Variants in DHTKD1 observed in about 807,000 individuals in gnomAD.
The protein encoded by DHTKD1 is 2-oxoadipate dehydrogenase complex component E1.
In DHTKD1, 78 loss-of-function variants were observed where a neutral mutation model predicts 101.8. The ratio of observed to expected loss-of-function variants is 0.77; its 90% CI spans 0.64 to 0.93. The LOEUF (loss-of-function observed/expected upper bound fraction) is 0.93, where lower values mean the gene tolerates loss of function less well. Ranked by LOEUF, DHTKD1 falls within the 40% of genes least tolerant of loss-of-function variation. The probability of loss-of-function intolerance (pLI) is 0.00; values close to 1 mark genes in which losing one functional copy is unlikely to be tolerated. For synonymous variants in DHTKD1, 462 were observed against 450.3 expected, an observed-to-expected ratio of 1.03 and a Z score of -0.33; for missense variants, 1,223 against 1,161.7, an observed-to-expected ratio of 1.05 and a Z score of -0.77.
chr10:12,091,534 T>A lies in DHTKD1; in HGVS notation c.1009T>A (p.Cys337Ser). The A allele has an allele frequency of 6.2e-7, 1 of 1,608,100 alleles. No individual in the cohort carries two copies. Among genetic ancestry groups the A allele is most frequent in the South Asian group, 1.1e-5 (1 of 90,458 alleles). The change falls in exon 6 of 17, where the codon TGT (cysteine) becomes AGT (serine). Residue 337 changes from cysteine to serine, a missense_variant. Coordinates refer to ENST00000263035, the MANE Select transcript of DHTKD1 (RefSeq NM_018706.7). ...CLQVHGDASF[C>S]GQGIVPETFT... ...TTAGGTCCATGGTGATGCTTCTTTC[T>A]GTGGTCAAGGGATTGTTCCTGAAAC...
rs530611506 is a variant in DHTKD1, at chr10:12,095,761, C to A, written c.1358+1490C>A. On this transcript the variant is annotated intron_variant, in intron 7 of 16. Coordinates refer to ENST00000263035, the MANE Select transcript of DHTKD1 (RefSeq NM_018706.7). Reference sequence around the variant, plus strand: ...CCGGGAGGCGGAGCTTGCAGTGAGCCCAGATCGCACCACTGCACTCCAGCC... The same window carrying A: ...CCGGGAGGCGGAGCTTGCAGTGAGCACAGATCGCACCACTGCACTCCAGCC... Among the ~76,000 whole-genome samples the A allele has an allele frequency of 2.2e-3, 284 of 128,904 alleles. 1 individual carries two copies. The highest frequency in any genetic ancestry group is 7.3e-3 in the African/African-American group (256 of 35,258). The allele number at this position is 128,904 out of a possible 152,430, so 84.6% of individuals were successfully genotyped here. A position where few individuals can be genotyped will look rare whatever the true frequency, so the allele number is the denominator to read the frequency against.
chr10:12,081,495 G>A lies in DHTKD1; in HGVS notation c.178G>A (p.Val60Met). Residue 60 changes from valine (V) to methionine (M), a missense_variant, in exon 2 of 17, where the codon GTG becomes ATG. By Grantham distance (21) the Val-to-Met change is conservative. Transcript: ENST00000263035. Reference sequence around the variant, plus strand: ...AGTTGATCATGGCCTTGCCAGGTTGGTGACAGTATATTGTGAGCATGGTCA... The same window carrying A: ...AGTTGATCATGGCCTTGCCAGGTTGATGACAGTATATTGTGAGCATGGTCA... ...PPVDHGLARL[V>M]TVYCEHGHKA... The A allele has an allele frequency of 6.2e-7, 1 of 1,614,108 alleles. No individual in the cohort carries two copies.
chr10:12,100,215 A>T lies in DHTKD1; in HGVS notation c.1709A>T (p.Asp570Val). ...MEKMMDGIKL[D>V]WATAEALALG... ...AAGATGATGGACGGAATCAAGCTAG[A>T]CTGGGCCACCGCGGAAGCTCTTGCC... Residue 570 changes from aspartate (D) to valine (V), a missense_variant, in exon 9 of 17, where the codon GAC becomes GTC. Coordinates refer to ENST00000263035, the MANE Select transcript of DHTKD1 (RefSeq NM_018706.7). The T allele has an allele frequency of 6.3e-7, 1 of 1,594,510 alleles. No homozygotes were observed. The highest frequency in any genetic ancestry group is 8.5e-7 in the Non-Finnish European group (1 of 1,170,902).
intron 2 of DHTKD1, 36 bp from the exon 3 acceptor site, chr10:12,084,504 A>AT (rs1588605715): frequency 3.0e-6 from 4 of 1,332,462 alleles, no homozygotes; most frequent in African/African-American, 1.4e-5. Flanking sequence ...GAACATGATT[A>AT]TTTTTTAAGA....
rs34644609 is a variant in DHTKD1 at position 12,081,526 on chromosome 10, C to T, written c.209C>T (p.Ala70Val). Residue 70 changes from alanine (A) to valine (V), a missense_variant, in exon 2 of 17, where the codon GCT becomes GTT. Coordinates refer to ENST00000263035, the MANE Select transcript of DHTKD1 (RefSeq NM_018706.7). ...GTATATTGTGAGCATGGTCATAAAG[C>T]TGCCAAAATCAACCCCCTCTTCACC... ...VTVYCEHGHK[A>V]AKINPLFTGQ... is the part of the protein sequence containing the mutation. 1.2e-6 allele frequency: 2 copies of T among 1,614,064 alleles called. No homozygotes were observed. The highest frequency in any genetic ancestry group is 2.2e-5 in the East Asian group (1 of 44,874).
rs749362337 is a variant in DHTKD1, at chr10:12,120,880, T to C, written c.2752T>C (p.Phe918Leu). 1 of 1,613,694 alleles carries C rather than the reference T, an allele frequency of 6.2e-7. No individual in the cohort carries two copies. The highest frequency in any genetic ancestry group is 1.7e-5 in the Admixed American group (1 of 60,000). The change falls in exon 17 of 17, where the codon TTC becomes CTC. Residue 918 changes from phenylalanine to leucine, a missense_variant. Phe to Leu is a conservative substitution (Grantham distance 22). Coordinates refer to ENST00000263035, the MANE Select transcript of DHTKD1 (RefSeq NM_018706.7). ...GCATGAAGATATCCTCGCCAAGACCTTCGCTTGATGATGACTTTTGAAGAA... is the reference window on the plus strand; with the variant it reads ...GCATGAAGATATCCTCGCCAAGACCCTCGCTTGATGATGACTTTTGAAGAA... ...HQHEDILAKT[F>L]A
rs367959044 is a variant in DHTKD1, at chr10:12,069,042, T to A, written c.9T>A (p.Ser3=). Reference sequence around the variant, plus strand: ...CGGGACATCTGGTGAACATGGCCTCTGCTACTGCGGCAGCAGCACGACGGG... The same window carrying A: ...CGGGACATCTGGTGAACATGGCCTCAGCTACTGCGGCAGCAGCACGACGGG... MA[S]ATAAAARRGL... Residue 3 remains serine (S), a synonymous_variant, in exon 1 of 17, where the codon TCT becomes TCA. Coordinates refer to ENST00000263035, the MANE Select transcript of DHTKD1 (RefSeq NM_018706.7). 8.1e-6 allele frequency: 13 copies of A among 1,613,324 alleles called. No individual in the cohort carries two copies. The highest frequency in any genetic ancestry group is 1.0e-5 in the Non-Finnish European group (12 of 1,179,650).
chr10:12,105,519 T>C (rs1833230324), intron 10 of DHTKD1, among the ~76,000 whole-genome samples: 1 of 152,044 alleles, frequency 6.6e-6, no homozygotes. Context: ...GGTTTTGCCA[T>C]GTTGCCCATG....
At chr10:12,092,656 A>G (rs1284581472) in intron 6 of DHTKD1, among the ~76,000 whole-genome samples, 2 of 151,864 alleles carry the variant, frequency 1.3e-5, no homozygotes, top group African/African-American at 4.8e-5. Flanking sequence ...ACACAAAATT[A>G]GCTGGGCATG....
intron 13 of DHTKD1, among the ~76,000 whole-genome samples, chr10:12,113,267 G>T (rs982528742): frequency 1.3e-5 from 2 of 151,892 alleles, no homozygotes; most frequent in Admixed American, 6.6e-5. Context: ...GTGCAATCTC[G>T]GCCCGTTGCA....
In DHTKD1 at chr10:12,119,342, G is replaced by A. The variant is rs557471950; in HGVS notation, c.2572+424G>A. ...CATGAAAATTTGGTACAGGCGGGGC[G>A]CGGTGCCTCACGCCTGTAGTCCCAG... is the stretch of plus-strand genomic sequence containing the variant. On this transcript the variant is annotated intron_variant, in intron 15 of 16. Transcript: ENST00000263035. Among the ~76,000 whole-genome samples the A allele has an allele frequency of 1.3e-4, 20 of 151,186 alleles. No homozygotes were observed. The East Asian group carries it at 1.8e-3, about 13-fold the overall frequency.
intron 15 of DHTKD1, among the ~76,000 whole-genome samples, 190 bp downstream of exon 15, chr10:12,119,108 C>A (rs1369223428): frequency 6.6e-6 from 1 of 151,456 alleles, no homozygotes; most frequent in Non-Finnish European, 1.5e-5. Flanking sequence ...AGATTGAGAC[C>A]ATCCTGGCTA....
intron 5 of DHTKD1, among the ~76,000 whole-genome samples, chr10:12,090,478 T>TC (rs926722179): frequency 1.4e-5 from 2 of 145,780 alleles, no homozygotes. Flanking sequence ...CTTCCTTCCT[T>TC]CTTCTTTCTC....
rs145337285 is a variant in DHTKD1, at chr10:12,089,115, A to T, written c.847A>T (p.Met283Leu). 1.2e-6 allele frequency: 2 copies of T among 1,614,082 alleles called. No homozygotes were observed. Among genetic ancestry groups the T allele is most frequent in the East Asian group, 2.2e-5 (1 of 44,876 alleles). Reference sequence around the variant, plus strand: ...GGCGCACCATCCCCTCCATGTGACAATGTTGCCCAATCCCTCGCACCTGGA... The same window carrying T: ...GGCGCACCATCCCCTCCATGTGACATTGTTGCCCAATCCCTCGCACCTGGA... ...FGAHHPLHVT[M>L]LPNPSHLEAV... Residue 283 changes from methionine to leucine, a missense_variant, in exon 5 of 17, where the codon ATG (methionine) becomes TTG (leucine). Met to Leu is a conservative substitution (Grantham distance 15, BLOSUM62 2). Coordinates refer to ENST00000263035, the MANE Select transcript of DHTKD1 (RefSeq NM_018706.7).
In DHTKD1 at chr10:12,098,015, G is replaced by T; in HGVS notation, c.1671+19G>T. On this transcript the variant is annotated intron_variant, in intron 8 of 16. Coordinates refer to ENST00000263035, the MANE Select transcript of DHTKD1 (RefSeq NM_018706.7). ...TGTTCAGGTGGGCAGCCTCCAAATG[G>T]CTGGTTATTGCTTCTCCTTCCTGCT... is the stretch of plus-strand genomic sequence containing the variant. The T allele has an allele frequency of 6.3e-7, 1 of 1,578,210 alleles. No individual in the cohort carries two copies.
chr10:12,076,636 C>T (rs12146270), intron 1 of DHTKD1, among the ~76,000 whole-genome samples: 70,089 of 151,850 alleles, frequency 0.46, 18,130 homozygotes, highest in South Asian at 0.71. Context: ...AGTATGAGTC[C>T]AGCCTGGGTA....
At position 12,089,061 on chromosome 10, in the gene DHTKD1, C is replaced by T. The variant is rs1423812768; in HGVS notation, c.793C>T (p.Leu265=). ...AGCCACTGGAGACGTCCTGTCTCAC[C>T]TGACCTCCTCTGTGGACCTGTACTT... ...FSATGDVLSH[L]TSSVDLYFGA... is the part of the protein sequence containing the mutation. The change falls in exon 5 of 17, where the codon CTG becomes TTG. Residue 265 remains leucine (L), a synonymous_variant. Transcript: ENST00000263035. 1.2e-6 allele frequency: 2 copies of T among 1,614,034 alleles called. No homozygotes were observed. Among genetic ancestry groups the T allele is most frequent in the Admixed American group, 3.3e-5 (2 of 59,992 alleles).
At chr10:12,077,305 G>T (rs1832749004) in intron 1 of DHTKD1, among the ~76,000 whole-genome samples, 1 of 151,060 alleles carries the variant, frequency 6.6e-6, no homozygotes, top group South Asian at 2.1e-4. Flanking sequence ...TCGGATCACT[G>T]CAACCTCTGC....
At position 12,107,553 on chromosome 10, in the gene DHTKD1, G is replaced by A. The variant is rs903343721; in HGVS notation, c.2048-356G>A. Among the ~76,000 whole-genome samples, 2 of 151,918 alleles carry A rather than the reference G, an allele frequency of 1.3e-5. No individual in the cohort carries two copies. The highest frequency in any genetic ancestry group is 4.8e-5 in the African/African-American group (2 of 41,362). ...CCACCTCAGCCTCCCGAGTAGCTGG[G>A]ACTACAGACATGTGCCACTACAGCT... On this transcript the variant is annotated intron_variant, in intron 11 of 16. Coordinates refer to ENST00000263035, the MANE Select transcript of DHTKD1 (RefSeq NM_018706.7). This position sits in a 1 kb window ranked among gnomAD's most constrained non-coding sequence, Gnocchi z 4.1.
Sources: allele counts gnomAD v4.1 joint callset (sites outside exome capture counted in the v4.1 genomes callset), GRCh38; gene constraint gnomAD v4.1.1; non-coding constraint Gnocchi (gnomAD v3.1); transcripts MANE v1.5; gene names NCBI Gene and HGNC (gene_info 2026-07-23, HGNC 2026-07-21).